GRHL3: variants seen among roughly 807,000 people sequenced by gnomAD.
The protein encoded by GRHL3 is grainyhead-like protein 3 homolog.
A neutral mutation model predicts 70.3 loss-of-function variants in GRHL3; 20 were observed. The ratio of observed to expected loss-of-function variants is 0.28; its 90% CI spans 0.20 to 0.41. The LOEUF (loss-of-function observed/expected upper bound fraction) is 0.41, where lower values mean the gene tolerates loss of function less well. GRHL3 is among the 10% of genes least tolerant of loss of function. The pLI is 1.00. For synonymous variants in GRHL3, 299 were observed against 299.9 expected (o/e 1.00, Z 0.03); for missense variants, 637 against 762.3 (o/e 0.84, Z 1.94).
At position 24,346,646 on chromosome 1, in the gene GRHL3, C is replaced by T. The variant is rs750041276; in HGVS notation, c.1543+5C>T. On this transcript the variant is annotated splice_donor_5th_base_variant and intron_variant, in intron 13 of 15. Coordinates refer to ENST00000361548, the MANE Select transcript of GRHL3 (RefSeq NM_198173.3). ...AGGAAGGCGACCTTCAGAGAGGTGA[C>T]CTCCCGCCCTCCTCATTTACTCACC... is the stretch of plus-strand genomic sequence containing the variant. 1.2e-6 allele frequency: 2 copies of T among 1,604,462 alleles called. No homozygotes were observed. The highest frequency in any genetic ancestry group is 1.7e-6 in the Non-Finnish European group (2 of 1,172,596).
intron 14 of GRHL3, among the ~76,000 whole-genome samples, chr1:24,347,866 A>G (rs1048646638): frequency 6.6e-6 from 1 of 152,178 alleles, no homozygotes. Context: ...TTTAATGGGA[A>G]TGGAACCCAA....
chr1:24,335,187 C>A (rs1239099514), intron 3 of GRHL3, among the ~76,000 whole-genome samples: 2 of 152,212 alleles, frequency 1.3e-5, no homozygotes, highest in African/African-American at 4.8e-5. Flanking sequence ...ACCCTCTCCC[C>A]TGAAGACCCA....
Position 24,342,189 on chromosome 1 carries a change from G to T in GRHL3, c.1122G>T (p.Leu374=). 8 of 1,613,566 alleles carry T rather than the reference G, an allele frequency of 5.0e-6. No individual in the cohort carries two copies. Among genetic ancestry groups the T allele is most frequent in the Admixed American group, 1.7e-5 (1 of 59,956 alleles). The change falls in exon 9 of 16, where the codon CTG becomes CTT. Residue 374 remains leucine (L), a synonymous_variant. Transcript: ENST00000361548. The surrounding 1 kb of genome is among the most constrained non-coding windows in gnomAD (Gnocchi z 4.8). ...QKGVKGVPLN[L]QIDTYDCGLG... is the part of the protein sequence containing the mutation. ...GGGTGAAGGGTGTCCCCCTGAACCT[G>T]CAGATTGACACCTATGACTGTGGCT...
At chr1:24,355,998 T>C (rs1464772240), downstream of GRHL3, among the ~76,000 whole-genome samples, 1 of 151,684 alleles carries the variant, frequency 6.6e-6, no homozygotes, top group Non-Finnish European at 1.5e-5. Context: ...CCTCCCGGGT[T>C]CAAGCGATTC....
At chr1:24,347,331 C>T (rs984409841) in intron 13 of GRHL3, 137 bp from the exon 14 acceptor site, 12 of 731,934 alleles carry the variant, frequency 1.6e-5, no homozygotes, top group Non-Finnish European at 2.9e-5. Context: ...TCTGCAGAGC[C>T]GGCCAAAGGG....
intron 8 of GRHL3, among the ~76,000 whole-genome samples, chr1:24,340,071 G>A (rs1276011486): frequency 6.6e-6 from 1 of 152,226 alleles, no homozygotes; most frequent in Non-Finnish European, 1.5e-5. Context: ...GTAGTGAGGA[G>A]CAGGTGAGAT....
chr1:24,349,475 C>T (rs568289345), intron 14 of GRHL3, among the ~76,000 whole-genome samples: 1 of 152,358 alleles, frequency 6.6e-6, no homozygotes, highest in East Asian at 1.9e-4. Flanking sequence ...CTGAAAAAAA[C>T]AACACTGACC....
chr1:24,330,705 C>T (rs609352), intron 1 of GRHL3, among the ~76,000 whole-genome samples: 25,498 of 152,192 alleles, frequency 0.17, 2,248 homozygotes, highest in African/African-American at 0.2. Flanking sequence ...GAAAGCCTTT[C>T]CTGATCTCTT....
chr1:24,319,562 A>G lies in GRHL3; in HGVS notation c.11A>G (p.Glu4Gly). 1 of 1,613,910 alleles carries G rather than the reference A, an allele frequency of 6.2e-7. No homozygotes were observed. The highest frequency in any genetic ancestry group is 1.1e-5 in the South Asian group (1 of 91,082). The part of the protein sequence containing the change: MSN[E>G]LDFRSVRLLK... ...CTTGGGAGCAGGAAGATGTCGAATG[A>G]ACTTGAGTGAGTAAACATCGGTGGA... Residue 4 changes from glutamate to glycine, a missense_variant, in exon 1 of 16, where the codon GAA (glutamate) becomes GGA (glycine). Transcript: ENST00000361548.
Position 24,342,929 on chromosome 1 carries a change from T to C in GRHL3, c.1323T>C (p.Asn441=), listed in dbSNP as rs1204895238. ...GCCTGCTGTCGGGCTTCAGGGGCAA[T>C]GAGACGACCTACCTTCGGCCAGAGA... ...KGCLLSGFRG[N]ETTYLRPETD... is the part of the protein sequence containing the mutation. Residue 441 remains asparagine (N), a synonymous_variant, in exon 11 of 16, where the codon AAT becomes AAC. Coordinates refer to ENST00000361548, the MANE Select transcript of GRHL3 (RefSeq NM_198173.3). This position sits in a 1 kb window ranked among gnomAD's most constrained non-coding sequence, Gnocchi z 4.8. The C allele has an allele frequency of 2.5e-6, 4 of 1,614,018 alleles. No individual in the cohort carries two copies. The highest frequency in any genetic ancestry group is 2.7e-5 in the African/African-American group (2 of 74,908).
At position 24,336,831 on chromosome 1, in the gene GRHL3, AG is replaced by A; in HGVS notation, c.612+7del. On this transcript the variant is annotated splice_donor_5th_base_variant and intron_variant, in intron 4 of 15. Transcript: ENST00000361548. Reference sequence around the variant, plus strand: ...CTTCAAAGATGACCCACAGGAGGTGAGGGCGCATCCCCGCTCCCCTATAGCA... The same window carrying A: ...CTTCAAAGATGACCCACAGGAGGTGAGGCGCATCCCCGCTCCCCTATAGCA... 1 of 1,590,828 alleles carries A rather than the reference AG, an allele frequency of 6.3e-7. No homozygotes were observed. The highest frequency in any genetic ancestry group is 2.2e-5 in the East Asian group (1 of 44,616).
intron 1 of GRHL3, 164 bp downstream of exon 1, chr1:24,319,732 C>CA (rs1639108694): frequency 6.4e-7 from 1 of 1,560,236 alleles, no homozygotes; most frequent in Non-Finnish European, 8.6e-7. Flanking sequence ...AGGCAAGCCC[C>CA]AGTCTCAAGC....
intron 14 of GRHL3, among the ~76,000 whole-genome samples, chr1:24,347,774 A>G (rs549615596): frequency 1.3e-5 from 2 of 152,318 alleles, no homozygotes; most frequent in Admixed American, 1.3e-4. Flanking sequence ...TGGGAGTCGC[A>G]CACACCATAA....
At chr1:24,332,593 T>A (rs1024487191) in intron 2 of GRHL3, among the ~76,000 whole-genome samples, 4 of 152,212 alleles carry the variant, frequency 2.6e-5, no homozygotes. Flanking sequence ...GTCTGAATTG[T>A]CACAAGACAG....
chr1:24,351,018 C>T (rs1640484425), intron 15 of GRHL3, among the ~76,000 whole-genome samples: 1 of 152,236 alleles, frequency 6.6e-6, no homozygotes. Context: ...GGCCCCCAGA[C>T]AGTGAGGAAT....
chr1:24,342,566 T>C lies in GRHL3; in HGVS notation c.1207-128T>C. 3 of 955,702 alleles carry C rather than the reference T, an allele frequency of 3.1e-6. No homozygotes were observed. The highest frequency in any genetic ancestry group is 5.0e-6 in the Non-Finnish European group (3 of 604,504). The allele number at this position is 955,702 out of a possible 1,614,324, so 59.2% of individuals were successfully genotyped here. On this transcript the variant is annotated intron_variant, in intron 9 of 15. Transcript: ENST00000361548. This position sits in a 1 kb window ranked among gnomAD's most constrained non-coding sequence, Gnocchi z 4.8. ...CAGGTAAGTGCTGGTACCTTCCCATTTCCTGGTCTTGTTCTGGAAAAAAGA... is the reference window on the plus strand; with the variant it reads ...CAGGTAAGTGCTGGTACCTTCCCATCTCCTGGTCTTGTTCTGGAAAAAAGA...
downstream of GRHL3, among the ~76,000 whole-genome samples, chr1:24,356,743 G>T (rs1010017648): frequency 6.6e-6 from 1 of 152,224 alleles, no homozygotes; most frequent in Non-Finnish European, 1.5e-5. Context: ...GCGAGGAAGG[G>T]GCTGCAGCAG....
At chr1:24,332,203 C>T (rs531293923) in intron 2 of GRHL3, among the ~76,000 whole-genome samples, 46 of 152,344 alleles carry the variant, frequency 3.0e-4, no homozygotes, top group African/African-American at 1.1e-3. Context: ...AACCCATTCC[C>T]TTCCTTCGGG....
At chr1:24,353,990 C>T (rs981859262) in intron 15 of GRHL3, among the ~76,000 whole-genome samples, 4 of 152,198 alleles carry the variant, frequency 2.6e-5, no homozygotes, top group Admixed American at 2.0e-4. Context: ...ACCACCCCTC[C>T]GGGGCTTGAA....
Sources: allele counts gnomAD v4.1 joint callset (sites outside exome capture counted in the v4.1 genomes callset), GRCh38; gene constraint gnomAD v4.1.1; non-coding constraint Gnocchi (gnomAD v3.1); transcripts MANE v1.5; gene names NCBI Gene and HGNC (gene_info 2026-07-23, HGNC 2026-07-21).